Variants in LY75 observed in about 807,000 individuals in gnomAD.
LY75 encodes the protein lymphocyte antigen 75, also known as C-type lectin domain family 13 member B.
A neutral mutation model predicts 231.7 loss-of-function variants in LY75; 185 were observed. That is an observed-to-expected ratio of 0.80 (90% CI 0.71 to 0.90). The LOEUF is 0.90. Among genes scored for constraint, LY75 ranks in the 40% least tolerant of loss-of-function variants. The pLI, the probability that LY75 is intolerant of heterozygous loss-of-function variation, is 0.00. For missense variants in LY75, 1,947 were observed against 2,050.2 expected (o/e 0.95, Z 0.97); for synonymous variants, 668 against 689.0 (o/e 0.97, Z 0.48).
chr2:159,876,967 C>A (rs1467057330), intron 11 of LY75, among the ~76,000 whole-genome samples: 2 of 130,820 alleles, frequency 1.5e-5, no homozygotes, highest in African/African-American at 5.7e-5. Flanking sequence ...CGAGATCGAG[C>A]CATTGCACTC....
chr2:159,842,107 G>A (rs41265131), intron 24 of LY75, 138 bp downstream of exon 24: 334,038 of 1,028,978 alleles, frequency 0.32, 61,127 homozygotes, highest in Non-Finnish European at 0.37. Context: ...ATTGGACCCA[G>A]GTGGTAAGCA....
At chr2:159,873,309 G>T (rs10497206) in intron 12 of LY75, among the ~76,000 whole-genome samples, 129,301 of 152,192 alleles carry the variant, frequency 0.85, 57,252 homozygotes, top group East Asian at 1. Context: ...CGGAGTATAC[G>T]TCTTTGTACC....
rs769694122 is a variant in LY75 at position 159,853,381 on chromosome 2, CGTAAT to C, written c.2664-34_2664-30del. The C allele has an allele frequency of 3.1e-6, 5 of 1,609,044 alleles. No individual in the cohort carries two copies. In the South Asian group the frequency reaches 3.3e-5, roughly 11 times the overall value. Reference sequence around the variant, plus strand: ...AAAGAAAATGACAGATTTGACAACTCGTAATGTAATTAGGTGTTCCATTTTTTTCT... The same window carrying C: ...AAAGAAAATGACAGATTTGACAACTCGTAATTAGGTGTTCCATTTTTTTCT... On this transcript the variant is annotated intron_variant, in intron 19 of 34. Transcript: ENST00000263636.
chr2:159,904,428 C>T (rs960885157), intron 1 of LY75, among the ~76,000 whole-genome samples, 161 bp downstream of exon 1: 4 of 152,346 alleles, frequency 2.6e-5, no homozygotes, highest in South Asian at 2.1e-4. Context: ...TCTGCCAGAC[C>T]TCCCCTGCGA....
intron 29 of LY75, among the ~76,000 whole-genome samples, chr2:159,818,565 T>C (rs1683191809): frequency 6.6e-6 from 1 of 152,118 alleles, no homozygotes; most frequent in Non-Finnish European, 1.5e-5. Flanking sequence ...GGTGGGATCC[T>C]AGAAAGAAAA....
At chr2:159,869,095 A>G (rs1224827057) in intron 13 of LY75, among the ~76,000 whole-genome samples, 1 of 152,162 alleles carries the variant, frequency 6.6e-6, no homozygotes, top group Admixed American at 6.6e-5. Flanking sequence ...TGGGAATTGA[A>G]CAATGAGAAC....
chr2:159,864,440 T>C (rs1684800081), intron 14 of LY75, among the ~76,000 whole-genome samples: 2 of 152,168 alleles, frequency 1.3e-5, no homozygotes, highest in African/African-American at 4.8e-5. Context: ...AAGGGTTTAA[T>C]CTCATTTTTC....
At position 159,890,362 on chromosome 2, in the gene LY75, T is replaced by C. The variant is rs1487361348; in HGVS notation, c.653A>G (p.Asp218Gly). 6.2e-7 allele frequency: 1 copy of C among 1,613,206 alleles called. No individual in the cohort carries two copies. The highest frequency in any genetic ancestry group is 1.1e-5 in the South Asian group (1 of 91,044). The stretch of plus-strand genomic sequence containing the variant: ...AAACTGCTCGTTCTTTTCCCAATTA[T>C]CTTCACAACCGTTTTCTGTTGATAA... ...ICLKPENGCE[D>G]NWEKNEQFGS... Residue 218 changes from aspartate (D) to glycine (G), a missense_variant, in exon 4 of 35, where the codon GAT becomes GGT. Physicochemically the swap from Asp to Gly is moderately conservative, Grantham distance 94. Coordinates refer to ENST00000263636, the MANE Select transcript of LY75 (RefSeq NM_002349.4).
Position 159,863,872 on chromosome 2 carries a change from C to T in LY75, c.2199+967G>A, listed in dbSNP as rs571166982. On this transcript the variant is annotated intron_variant, in intron 14 of 34. Transcript: ENST00000263636. The stretch of plus-strand genomic sequence containing the variant: ...GCCATCCCTTGAAGATGTGTTCCCA[C>T]GAGATTATATCTTTACTGTACCTTT... 9.2e-5 allele frequency among the ~76,000 whole-genome samples: 14 copies of T among 152,198 alleles called. No individual in the cohort carries two copies. The South Asian group carries it at 1.2e-3, about 14-fold the overall frequency.
chr2:159,835,426 C>A, intron 26 of LY75, 54 bp downstream of exon 26: 2 of 1,469,572 alleles, frequency 1.4e-6, no homozygotes, highest in Non-Finnish European at 1.8e-6. Context: ...AGAAATTCTA[C>A]CACTTATGGG....
At position 159,807,146 on chromosome 2, in the gene LY75, G is replaced by C; in HGVS notation, c.4823-6C>G. ...TAACCAACTCCAAGACTGGTCTGAA[G>C]AAAGAAATTAAATACAACTATGTCT... On this transcript the variant is annotated splice_region_variant and splice_polypyrimidine_tract_variant and intron_variant, in intron 33 of 34. Transcript: ENST00000263636. 6.2e-7 allele frequency: 1 copy of C among 1,604,060 alleles called. No individual in the cohort carries two copies. The highest frequency in any genetic ancestry group is 8.5e-7 in the Non-Finnish European group (1 of 1,175,492).
chr2:159,811,500 C>T (rs760962112), intron 31 of LY75, among the ~76,000 whole-genome samples: 8 of 152,224 alleles, frequency 5.3e-5, no homozygotes, highest in Non-Finnish European at 1.2e-4. Flanking sequence ...TAGTGCGGTA[C>T]AGCTTATCTG....
intron 12 of LY75, among the ~76,000 whole-genome samples, chr2:159,873,130 GAAAAAGAAAGAAGAAGA>G (rs1685067853): frequency 1.4e-5 from 2 of 145,272 alleles, no homozygotes; most frequent in Non-Finnish European, 3.1e-5. Flanking sequence ...GAAGAAAGGA[GAAAAAGAAAGAAGAAGA>G]AAGAAGAAAG....
Position 159,882,053 on chromosome 2 carries a change from C to T in LY75, c.1246+71G>A, listed in dbSNP as rs973922104. 3.9e-6 allele frequency: 6 copies of T among 1,520,556 alleles called. No individual in the cohort carries two copies. In the African/African-American group the frequency reaches 7.0e-5, roughly 18 times the overall value. 94.2% of individuals were successfully genotyped at this position (1,520,556 alleles called of 1,614,324 possible). A position where few individuals can be genotyped will look rare whatever the true frequency, so the allele number is the denominator to read the frequency against. On this transcript the variant is annotated intron_variant, in intron 7 of 34. Transcript: ENST00000263636. ...TCAAACTGTAAGCTTTTCATTCCCA[C>T]AAAGAGTCTAAAACCAGGGATACTT...
intron 28 of LY75, among the ~76,000 whole-genome samples, chr2:159,822,923 T>G (rs1683343463): frequency 6.6e-6 from 1 of 151,684 alleles, no homozygotes; most frequent in Non-Finnish European, 1.5e-5. Context: ...GCATGTCCAC[T>G]CAAAGACCCC....
intron 13 of LY75, among the ~76,000 whole-genome samples, chr2:159,871,421 T>C (rs1052816466): frequency 7.2e-5 from 11 of 152,262 alleles, no homozygotes; most frequent in Admixed American, 3.9e-4. Flanking sequence ...CTTTTATCTG[T>C]TGCACAATGA....
At chr2:159,828,909 C>T (rs938017409) in intron 28 of LY75, among the ~76,000 whole-genome samples, 1 of 152,100 alleles carries the variant, frequency 6.6e-6, no homozygotes, top group Non-Finnish European at 1.5e-5. Context: ...AAAAAGCACA[C>T]ATGGTATGAT....
Position 159,854,441 on chromosome 2 carries a change from C to T in LY75, c.2514G>A (p.Leu838=). Reference sequence around the variant, plus strand: ...GAAAGCTGTGATTGCTGGCACAGTACAGGACGGCTTCTTCATAGTTTAGGT... The same window carrying T: ...GAAAGCTGTGATTGCTGGCACAGTATAGGACGGCTTCTTCATAGTTTAGGT... ...DLHLNYEEAV[L]YCASNHSFLA... Residue 838 remains leucine (L), a synonymous_variant, in exon 18 of 35, where the codon CTG becomes CTA. Coordinates refer to ENST00000263636, the MANE Select transcript of LY75 (RefSeq NM_002349.4). 6.2e-7 allele frequency: 1 copy of T among 1,613,488 alleles called. No individual in the cohort carries two copies. The highest frequency in any genetic ancestry group is 1.1e-5 in the South Asian group (1 of 91,004).
chr2:159,899,134 G>A (rs1376328611), intron 1 of LY75, 75 bp from the exon 2 acceptor site: 1 of 1,554,596 alleles, frequency 6.4e-7, no homozygotes, highest in African/African-American at 1.3e-5. Flanking sequence ...AGGAGAGTCT[G>A]AGCACTACTG....
Sources: gnomAD v4.1 joint callset for allele counts (sites outside exome capture counted in the v4.1 genomes callset) on GRCh38, gnomAD v4.1.1 for gene constraint, MANE v1.5 for transcripts, NCBI Gene and HGNC (gene_info 2026-07-23, HGNC 2026-07-21) for gene names.